The following EIF4E2 variants were observed in gnomAD, a reference collection of about 807,000 sequenced individuals.
The protein encoded by EIF4E2 is eukaryotic translation initiation factor 4E type 2.
Under a neutral mutation model 34.2 loss-of-function variants are expected in EIF4E2, and 13 were observed. The ratio of observed to expected loss-of-function variants is 0.38; its 90% CI spans 0.25 to 0.60. The LOEUF is 0.60. Among genes scored for constraint, EIF4E2 ranks in the 20% least tolerant of loss-of-function variants. The pLI, the probability that EIF4E2 is intolerant of heterozygous loss-of-function variation, is 0.62. For missense variants in EIF4E2, 222 were observed against 315.1 expected, an observed-to-expected ratio of 0.70 and a Z score of 2.24; for synonymous variants, 100 against 106.6, an observed-to-expected ratio of 0.94 and a Z score of 0.38.
At chr2:232,551,416 A>C (rs1182592208) in intron 1 of EIF4E2, among the ~76,000 whole-genome samples, 3 of 152,186 alleles carry the variant, frequency 2.0e-5, no homozygotes. Flanking sequence ...GTACAGAGAG[A>C]AAATGCAGAA....
At chr2:232,565,387 A>T (rs1012918764) in intron 4 of EIF4E2, among the ~76,000 whole-genome samples, 3 of 151,976 alleles carry the variant, frequency 2.0e-5, no homozygotes, top group African/African-American at 7.3e-5. Context: ...TAATCCCAGC[A>T]CTTTGGGAGG....
chr2:232,573,661 G>A (rs1375319476), downstream of EIF4E2: 12 of 167,670 alleles, frequency 7.2e-5, no homozygotes, highest in East Asian at 1.7e-4. Flanking sequence ...TTGAACTGCC[G>A]TGACTTTAAA....
At chr2:232,552,362 C>T (rs1692369108) in intron 1 of EIF4E2, among the ~76,000 whole-genome samples, 1 of 152,156 alleles carries the variant, frequency 6.6e-6, no homozygotes, top group Admixed American at 6.5e-5. Flanking sequence ...AGGCATGTGC[C>T]ACCCTACCTT....
At chr2:232,582,251 T>C (rs1446349552) in exon 7 of EIF4E2, 4 of 152,664 alleles carry the variant, frequency 2.6e-5, no homozygotes, top group African/African-American at 9.6e-5. Context: ...GGCCTCTCTT[T>C]AAAACATATG....
At position 232,555,491 on chromosome 2, in the gene EIF4E2, A is replaced by T. The variant is rs77526151; in HGVS notation, c.21-925A>T. On this transcript the variant is annotated intron_variant, in intron 1 of 6. Coordinates refer to ENST00000258416, the MANE Select transcript of EIF4E2 (RefSeq NM_004846.4). The stretch of plus-strand genomic sequence containing the variant: ...CTAAAGTTCGTTTGACTCTGTGCTT[A>T]TGAAGCAAGAACACATTTATTCTTT... 2.9e-4 allele frequency among the ~76,000 whole-genome samples: 44 copies of T among 152,358 alleles called. No homozygotes were observed. In the East Asian group the frequency reaches 7.9e-3, roughly 27 times the overall value.
At chr2:232,564,373 C>G (rs1298276236) in intron 4 of EIF4E2, 22 bp downstream of exon 4, 1 of 1,497,648 alleles carries the variant, frequency 6.7e-7, no homozygotes, top group Non-Finnish European at 9.1e-7. Context: ...TGGCTTCTGA[C>G]TGCTTTTTTG....
intron 3 of EIF4E2, among the ~76,000 whole-genome samples, chr2:232,562,955 A>C (rs1692773206): frequency 6.6e-6 from 1 of 151,664 alleles, no homozygotes; most frequent in Non-Finnish European, 1.5e-5. Context: ...TGTAAGATGC[A>C]TCACGTGTGC....
intron 6 of EIF4E2, among the ~76,000 whole-genome samples, chr2:232,575,700 G>T (rs1331404548): frequency 6.6e-6 from 1 of 152,152 alleles, no homozygotes; most frequent in South Asian, 2.1e-4. Flanking sequence ...GAGGAAAAAG[G>T]TACCAGCTTT....
chr2:232,580,084 CCACACACACACACACACA>C (rs6147227), intron 6 of EIF4E2, among the ~76,000 whole-genome samples: 25,779 of 145,208 alleles, frequency 0.18, 2,760 homozygotes, highest in East Asian at 0.35. Context: ...CACATACATA[CCACACACACACACACACA>C]CACACACACA....
intron 1 of EIF4E2, 175 bp downstream of exon 1, chr2:232,550,919 C>G: frequency 1.5e-6 from 1 of 678,730 alleles, no homozygotes; most frequent in Non-Finnish European, 2.5e-6. Context: ...GCAATGGATA[C>G]CGGAGTCCCG....
chr2:232,551,405 G>C (rs1481904933), intron 1 of EIF4E2, among the ~76,000 whole-genome samples: 1 of 152,128 alleles, frequency 6.6e-6, no homozygotes, highest in African/African-American at 2.4e-5. Flanking sequence ...ACAGTTTGGA[G>C]GTACAGAGAG....
downstream of EIF4E2, chr2:232,574,190 T>G: frequency 7.0e-7 from 1 of 1,431,716 alleles, no homozygotes; most frequent in Non-Finnish European, 9.6e-7. Flanking sequence ...TGTGGGGTTA[T>G]TGTGTCTGCT....
intron 3 of EIF4E2, among the ~76,000 whole-genome samples, chr2:232,559,983 C>G (rs1370504980): frequency 2.0e-5 from 3 of 151,990 alleles, no homozygotes; most frequent in East Asian, 3.9e-4. Flanking sequence ...AGAGATAGAT[C>G]CTGTCTAAAA....
chr2:232,554,456 C>T (rs1028859294), intron 1 of EIF4E2, among the ~76,000 whole-genome samples: 3 of 152,126 alleles, frequency 2.0e-5, no homozygotes, highest in Admixed American at 6.5e-5. Flanking sequence ...TACCTTTTCT[C>T]CTCAGCTAGG....
chr2:232,554,901 G>T (rs1034438041), intron 1 of EIF4E2, among the ~76,000 whole-genome samples: 1 of 152,178 alleles, frequency 6.6e-6, no homozygotes, highest in Admixed American at 6.5e-5. Context: ...ATATTTTTGA[G>T]CAAGGCTCTG....
chr2:232,557,661 C>T, intron 2 of EIF4E2: 1 of 518,728 alleles, frequency 1.9e-6, no homozygotes, highest in East Asian at 3.2e-5. Context: ...GAGAAAGTTA[C>T]AAAGGCCATA....
rs1458887259 is a variant in EIF4E2 at position 232,566,822 on chromosome 2, T to C, written c.376-7T>C. 3 of 1,613,884 alleles carry C rather than the reference T, an allele frequency of 1.9e-6. No homozygotes were observed. Among genetic ancestry groups the C allele is most frequent in the Non-Finnish European group, 2.5e-6 (3 of 1,180,002 alleles). On this transcript the variant is annotated splice_polypyrimidine_tract_variant and splice_region_variant and intron_variant, in intron 4 of 6. Coordinates refer to ENST00000258416, the MANE Select transcript of EIF4E2 (RefSeq NM_004846.4). This position sits in a 1 kb window ranked among gnomAD's most constrained non-coding sequence, Gnocchi z 4.9. ...TTTTAACTTCAGTGCTTTCTGTCTT[T>C]TTACAGGATGATGCAAATAAAAATG...
chr2:232,557,918 AGT>A lies in EIF4E2; in HGVS notation c.171_172del (p.Tyr58GlnfsTer21). On this transcript the variant is annotated frameshift_variant, in exon 3 of 7. Transcript: ENST00000258416. LOFTEE classifies it high-confidence loss of function. ...CCTGGACCGGCAGAGCATCCCCTGC[AGT>A]ACAACTACACTTTTTGGTACTCCAG... 6.2e-7 allele frequency: 1 copy of A among 1,614,036 alleles called. No individual in the cohort carries two copies. Among genetic ancestry groups the A allele is most frequent in the Non-Finnish European group, 8.5e-7 (1 of 1,180,008 alleles).
chr2:232,574,825 G>A (rs1206249260), intron 6 of EIF4E2, among the ~76,000 whole-genome samples: 2 of 152,180 alleles, frequency 1.3e-5, no homozygotes, highest in South Asian at 2.1e-4. Context: ...GTCAGTAACG[G>A]GGCTGGATTT....
Sources: gnomAD v4.1 joint callset for allele counts (sites outside exome capture counted in the v4.1 genomes callset) on GRCh38, gnomAD v4.1.1 for gene constraint, Gnocchi (gnomAD v3.1) non-coding constraint, MANE v1.5 for transcripts, NCBI Gene and HGNC (gene_info 2026-07-23, HGNC 2026-07-21) for gene names.